Variants in PLPP3 observed in about 807,000 individuals in gnomAD.
The protein encoded by PLPP3 is PAP2 beta.
PLPP3 carries 6 observed loss-of-function variants against 29.6 expected under a neutral mutation model. That is an observed-to-expected ratio of 0.20 (90% CI 0.11 to 0.40). The LOEUF (loss-of-function observed/expected upper bound fraction) is 0.40, where lower values mean the gene tolerates loss of function less well. PLPP3 is among the 10% of genes least tolerant of loss of function. The pLI, the probability that PLPP3 is intolerant of heterozygous loss-of-function variation, is 1.00. For synonymous variants in PLPP3, 152 were observed against 159.7 expected (o/e 0.95, Z 0.36); for missense variants, 308 against 407.7 (o/e 0.76, Z 2.11).
rs1645622938 is a variant in PLPP3 at position 56,495,130 on chromosome 1, T to C, written c.*1421A>G. The C allele has an allele frequency of 6.6e-6, 1 of 152,166 alleles. No homozygotes were observed. The highest frequency in any genetic ancestry group is 6.5e-5 in the Admixed American group (1 of 15,268). The allele number at this position is 152,166 out of a possible 1,614,324, so 9.4% of individuals were successfully genotyped here. Reference sequence around the variant, plus strand: ...TAGTTAACTTTTAATGTTTTATACATTATTTATATAATATTTATATATAAA... The same window carrying C: ...TAGTTAACTTTTAATGTTTTATACACTATTTATATAATATTTATATATAAA... On this transcript the variant is annotated 3_prime_UTR_variant, in exon 6 of 6. Coordinates refer to ENST00000371250, the MANE Select transcript of PLPP3 (RefSeq NM_003713.5).
At chr1:56,548,761 A>G (rs539438560) in intron 1 of PLPP3, among the ~76,000 whole-genome samples, 1 of 152,332 alleles carries the variant, frequency 6.6e-6, no homozygotes, top group South Asian at 2.1e-4. Flanking sequence ...CCCTCAGCAC[A>G]TGACCTGGCA....
intron 1 of PLPP3, among the ~76,000 whole-genome samples, chr1:56,548,597 G>A (rs1010926694): frequency 3.3e-5 from 5 of 152,156 alleles, no homozygotes; most frequent in African/African-American, 1.2e-4. Context: ...CTCCTTTGAA[G>A]GGGAGACTCC....
intron 1 of PLPP3, among the ~76,000 whole-genome samples, chr1:56,545,410 A>T (rs1645997901): frequency 1.3e-5 from 2 of 152,302 alleles, no homozygotes; most frequent in Admixed American, 1.3e-4. Context: ...GTAAGATGTG[A>T]CCAGATTTCT....
At chr1:56,504,270 G>A (rs1645687065) in intron 5 of PLPP3, among the ~76,000 whole-genome samples, 1 of 152,216 alleles carries the variant, frequency 6.6e-6, no homozygotes, top group South Asian at 2.1e-4. Flanking sequence ...TTTAAGGCCA[G>A]CCTGGGCAAC....
At position 56,524,667 on chromosome 1, in the gene PLPP3, C is replaced by A; in HGVS notation, c.298-113G>T. The A allele has an allele frequency of 1.7e-6, 2 of 1,200,858 alleles. No individual in the cohort carries two copies. The highest frequency in any genetic ancestry group is 2.3e-6 in the Non-Finnish European group (2 of 861,046). The allele number at this position is 1,200,858 out of a possible 1,614,324, so 74.4% of individuals were successfully genotyped here. A position where few individuals can be genotyped will look rare whatever the true frequency, so the allele number is the denominator to read the frequency against. On this transcript the variant is annotated intron_variant, in intron 2 of 5. Transcript: ENST00000371250. The surrounding 1 kb of genome is among the most constrained non-coding windows in gnomAD (Gnocchi z 4.3). ...ATATTCAGTATTTGCAAAGGAGTGT[C>A]CTAATTTTCTATTTATGAAATATAC...
rs200711664 is a variant in PLPP3 at position 56,496,662 on chromosome 1, A to G, written c.825T>C (p.Ser275=). The G allele has an allele frequency of 6.2e-7, 1 of 1,613,428 alleles. No homozygotes were observed. Residue 275 remains serine (S), a synonymous_variant, in exon 6 of 6, where the codon TCT becomes TCC. Transcript: ENST00000371250. ...LVACCIVFFV[S]DLFKTKTTLS... ...GCGTCGTCTTAGTCTTGAAGAGGTC[A>G]GACACGAAGAAAACCTAGAAGCACA... is the stretch of plus-strand genomic sequence containing the variant.
chr1:56,511,157 T>A (rs1645738995), intron 5 of PLPP3, among the ~76,000 whole-genome samples: 1 of 152,104 alleles, frequency 6.6e-6, no homozygotes. Flanking sequence ...AGTCACAATA[T>A]CAAAGTAGGT....
intron 5 of PLPP3, among the ~76,000 whole-genome samples, chr1:56,508,645 T>C (rs1454601629): frequency 1.3e-5 from 2 of 152,156 alleles, no homozygotes; most frequent in African/African-American, 4.8e-5. Flanking sequence ...CCCTGATTCG[T>C]GGGGAAGAGT....
rs1645802479 is a variant in PLPP3 at position 56,519,168 on chromosome 1, T to C, written c.633+4655A>G. Among the ~76,000 whole-genome samples, 3 of 152,100 alleles carry C rather than the reference T, an allele frequency of 2.0e-5. No individual in the cohort carries two copies. The South Asian group carries it at 6.2e-4, about 32-fold the overall frequency. The stretch of plus-strand genomic sequence containing the variant: ...CTCAAGCGTGCCCTCCATTCCCTGG[T>C]TCCTAGCAGCCATCCAAGCTGTACT... On this transcript the variant is annotated intron_variant, in intron 4 of 5. Transcript: ENST00000371250.
intron 4 of PLPP3, among the ~76,000 whole-genome samples, chr1:56,515,454 C>T (rs1417905024): frequency 1.3e-5 from 2 of 152,172 alleles, no homozygotes; most frequent in African/African-American, 4.8e-5. Flanking sequence ...CACATCTCCC[C>T]TTCCCCTGAT....
At chr1:56,578,547 TC>T (rs1369404869) in intron 1 of PLPP3, among the ~76,000 whole-genome samples, 2 of 151,904 alleles carry the variant, frequency 1.3e-5, no homozygotes, top group African/African-American at 4.8e-5. Flanking sequence ...TCAACCAACT[TC>T]CCCTACGCTA....
intron 2 of PLPP3, among the ~76,000 whole-genome samples, chr1:56,528,447 A>T (rs1032985885): frequency 2.0e-5 from 3 of 152,198 alleles, no homozygotes; most frequent in Admixed American, 1.3e-4. Flanking sequence ...AGAGGTGGTG[A>T]AAGAAGCAAC....
intron 5 of PLPP3, among the ~76,000 whole-genome samples, chr1:56,498,286 T>C (rs977233044): frequency 5.3e-5 from 8 of 152,236 alleles, no homozygotes; most frequent in Admixed American, 1.3e-4. Flanking sequence ...AAAAGATCTG[T>C]GCACAACCTG....
At chr1:56,520,941 T>G (rs192651017) in intron 4 of PLPP3, among the ~76,000 whole-genome samples, 3,538 of 129,164 alleles carry the variant, frequency 0.027, 46 homozygotes, top group South Asian at 0.096. Flanking sequence ...AAAAAGAAAC[T>G]TTTGCAAATC....
At chr1:56,554,399 T>C (rs1646060237) in intron 1 of PLPP3, among the ~76,000 whole-genome samples, 2 of 151,818 alleles carry the variant, frequency 1.3e-5, no homozygotes, top group Admixed American at 6.6e-5. Flanking sequence ...GGTGAAACCC[T>C]GACTCTACTA....
At chr1:56,555,828 T>G (rs1646073061) in intron 1 of PLPP3, among the ~76,000 whole-genome samples, 1 of 152,184 alleles carries the variant, frequency 6.6e-6, no homozygotes, top group Non-Finnish European at 1.5e-5. Context: ...AAGTTTTAGG[T>G]AAGTCTAGTG....
intron 1 of PLPP3, among the ~76,000 whole-genome samples, chr1:56,560,873 T>C (rs1483558307): frequency 6.9e-6 from 1 of 144,244 alleles, no homozygotes; most frequent in African/African-American, 2.6e-5. Context: ...AGTCCTCCTC[T>C]GTCGCCCAGG....
chr1:56,564,442 T>C (rs948814648), intron 1 of PLPP3, among the ~76,000 whole-genome samples: 1 of 152,168 alleles, frequency 6.6e-6, no homozygotes, highest in East Asian at 1.9e-4. Context: ...AGAAAGAATA[T>C]ATAAATTCAA....
At chr1:56,513,590 A>G (rs1645760571) in intron 4 of PLPP3, 1 of 152,224 alleles carries the variant, frequency 6.6e-6, no homozygotes, top group Admixed American at 6.5e-5. Flanking sequence ...ATTCTTAGCC[A>G]TAAGTGTCTA....
Sources: gnomAD v4.1 joint callset for allele counts (sites outside exome capture counted in the v4.1 genomes callset) on GRCh38, gnomAD v4.1.1 for gene constraint, Gnocchi (gnomAD v3.1) non-coding constraint, MANE v1.5 for transcripts, NCBI Gene and HGNC (gene_info 2026-07-23, HGNC 2026-07-21) for gene names.